The following DNAJC25 variants were observed in gnomAD, a reference collection of about 807,000 sequenced individuals.
The protein encoded by DNAJC25 is DnaJ heat shock protein family (Hsp40) member C25.
A neutral mutation model predicts 42.1 loss-of-function variants in DNAJC25; 26 were observed. That is an observed-to-expected ratio of 0.62 (90% CI 0.45 to 0.86). The LOEUF is 0.86. Ranked by LOEUF, DNAJC25 falls within the 40% of genes least tolerant of loss-of-function variation. DNAJC25 has a pLI of 0.00. For missense variants in DNAJC25, 404 were observed against 459.4 expected (o/e 0.88, Z 1.10); for synonymous variants, 189 against 179.9 (o/e 1.05, Z -0.40).
rs2131272477 is a variant in DNAJC25, at chr9:111,653,364, AT to A, written c.*145del. 1 of 993,102 alleles carries A rather than the reference AT, an allele frequency of 1.0e-6. No individual in the cohort carries two copies. Among genetic ancestry groups the A allele is most frequent in the East Asian group, 3.2e-5 (1 of 31,096 alleles). 61.5% of individuals were successfully genotyped at this position (993,102 alleles called of 1,614,324 possible). A position where few individuals can be genotyped will look rare whatever the true frequency, so the allele number is the denominator to read the frequency against. ...TTTGATTAAACAGAATAATGTCAAAATTTAAACCTTCCCTTAAAACTTTATA... is the reference window on the plus strand; with the variant it reads ...TTTGATTAAACAGAATAATGTCAAAATTAAACCTTCCCTTAAAACTTTATA... On this transcript the variant is annotated 3_prime_UTR_variant, in exon 4 of 4. Coordinates refer to ENST00000313525, the MANE Select transcript of DNAJC25 (RefSeq NM_001015882.3).
At position 111,654,164 on chromosome 9, in the gene DNAJC25, T is replaced by C. The variant is rs1224448056; in HGVS notation, c.*942T>C. On this transcript the variant is annotated 3_prime_UTR_variant, in exon 4 of 4. Coordinates refer to ENST00000313525, the MANE Select transcript of DNAJC25 (RefSeq NM_001015882.3). ...AGAAACGAGGTACATGGCTGTGTGC[T>C]CTTCTGTCAACCAATGAAATGTGTT... 2 of 152,260 alleles carry C rather than the reference T, an allele frequency of 1.3e-5. No homozygotes were observed. The highest frequency in any genetic ancestry group is 2.9e-5 in the Non-Finnish European group (2 of 68,038). 9.4% of individuals were successfully genotyped at this position (152,260 alleles called of 1,614,324 possible).
Position 111,649,816 on chromosome 9 carries a change from A to G in DNAJC25, c.853A>G (p.Ile285Val). 6.2e-7 allele frequency: 1 copy of G among 1,613,754 alleles called. No individual in the cohort carries two copies. Among genetic ancestry groups the G allele is most frequent in the Non-Finnish European group, 8.5e-7 (1 of 1,179,880 alleles). Reference sequence around the variant, plus strand: ...ATATGGAGAGGAAGAGAGATTATACATTATACGTAAATCTATGAAGATGTC... The same window carrying G: ...ATATGGAGAGGAAGAGAGATTATACGTTATACGTAAATCTATGAAGATGTC... ...KEYGEEERLY[I>V]IRKSMKMSKS... is the part of the protein sequence containing the mutation. The change falls in exon 3 of 4, where the codon ATT becomes GTT. Residue 285 changes from isoleucine (I) to valine (V), a missense_variant. Physicochemically the swap from Ile to Val is conservative, Grantham distance 29. Transcript: ENST00000313525.
At chr9:111,644,490 G>A (rs1364158179) in intron 1 of DNAJC25, among the ~76,000 whole-genome samples, 1 of 152,156 alleles carries the variant, frequency 6.6e-6, no homozygotes, top group African/African-American at 2.4e-5. Context: ...AGAGATAAGA[G>A]AACAAAAAGA....
chr9:111,632,300 T>A (rs552751625), intron 1 of DNAJC25, among the ~76,000 whole-genome samples: 16 of 152,340 alleles, frequency 1.1e-4, no homozygotes, highest in Non-Finnish European at 2.1e-4. Context: ...TGACTTATTA[T>A]GTTGAAATAG....
intron 1 of DNAJC25, among the ~76,000 whole-genome samples, chr9:111,645,421 A>G (rs1365041054): frequency 6.6e-6 from 1 of 152,066 alleles, no homozygotes; most frequent in Non-Finnish European, 1.5e-5. Context: ...CGACTGGCTA[A>G]TTTTTGTATT....
intron 1 of DNAJC25, among the ~76,000 whole-genome samples, chr9:111,640,360 G>A (rs1429908793): frequency 6.8e-6 from 1 of 146,712 alleles, no homozygotes; most frequent in Non-Finnish European, 1.5e-5. Context: ...CGTCTGGGAA[G>A]TGAGGAGCGT....
At chr9:111,651,095 T>C (rs1419629307) in intron 3 of DNAJC25, among the ~76,000 whole-genome samples, 1 of 151,682 alleles carries the variant, frequency 6.6e-6, no homozygotes, top group Non-Finnish European at 1.5e-5. Flanking sequence ...AGTGAAACCC[T>C]GTCTCAAAAT....
chr9:111,649,045 C>G (rs1331500808), intron 2 of DNAJC25, among the ~76,000 whole-genome samples: 2 of 152,024 alleles, frequency 1.3e-5, no homozygotes, highest in Non-Finnish European at 2.9e-5. Context: ...AAACAAATTC[C>G]TCACCAGCTA....
In DNAJC25 at chr9:111,647,094, T is replaced by A. The variant is rs1266284014; in HGVS notation, c.337-13T>A. ...GACTGTCCTATGAAGTTGGATATCT[T>A]GTCATTTTACAGGATGAAGAAACAC... On this transcript the variant is annotated splice_polypyrimidine_tract_variant and intron_variant, in intron 1 of 3. Transcript: ENST00000313525. The A allele has an allele frequency of 1.2e-6, 2 of 1,612,236 alleles. No individual in the cohort carries two copies.
Position 111,649,825 on chromosome 9 carries a change from A to C in DNAJC25, c.862A>C (p.Lys288Gln), listed in dbSNP as rs1419726017. ...GEEERLYIIRKSMKMSKSQFD... is the reference protein window; with the variant it reads ...GEEERLYIIRQSMKMSKSQFD... ...GGAAGAGAGATTATACATTATACGT[A>C]AATCTATGAAGATGTCAAAGTCTCA... Residue 288 changes from lysine to glutamine, a missense_variant, in exon 3 of 4, where the codon AAA becomes CAA. Physicochemically the swap from Lys to Gln is moderately conservative, Grantham distance 53 (BLOSUM62 1). Coordinates refer to ENST00000313525, the MANE Select transcript of DNAJC25 (RefSeq NM_001015882.3). 1 of 1,613,426 alleles carries C rather than the reference A, an allele frequency of 6.2e-7. No homozygotes were observed. Among genetic ancestry groups the C allele is most frequent in the East Asian group, 2.2e-5 (1 of 44,856 alleles).
At position 111,631,421 on chromosome 9, in the gene DNAJC25, T is replaced by C. The variant is rs886470284; in HGVS notation, c.14T>C (p.Leu5Pro). ...GCGAGGCTGGGGATGGGGGCGCCGC[T>C]GCTCTCTCCCGGCTGGGGAGCCGGG... MGAPLLSPGWGAGAA... is the reference protein window; with the variant it reads MGAPPLSPGWGAGAA... Residue 5 changes from leucine (L) to proline (P), a missense_variant, in exon 1 of 4, where the codon CTG (leucine) becomes CCG (proline). Leu to Pro is a moderately conservative substitution (Grantham distance 98). Coordinates refer to ENST00000313525, the MANE Select transcript of DNAJC25 (RefSeq NM_001015882.3). The C allele has an allele frequency of 1.4e-5, 18 of 1,289,862 alleles. No homozygotes were observed. The highest frequency in any genetic ancestry group is 1.8e-5 in the Non-Finnish European group (18 of 1,023,532). 79.9% of individuals were successfully genotyped at this position (1,289,862 alleles called of 1,614,324 possible). A position where few individuals can be genotyped will look rare whatever the true frequency, so the allele number is the denominator to read the frequency against.
chr9:111,639,836 T>C (rs1830419060), intron 1 of DNAJC25, among the ~76,000 whole-genome samples: 1 of 151,658 alleles, frequency 6.6e-6, no homozygotes, highest in Non-Finnish European at 1.5e-5. Context: ...CTCTATGTAA[T>C]AGAAAGTTTT....
intron 1 of DNAJC25, among the ~76,000 whole-genome samples, chr9:111,637,163 C>T (rs1589341035): frequency 6.6e-6 from 1 of 152,152 alleles, no homozygotes. Context: ...AAGACCCTTA[C>T]TGTTTTTCAT....
Position 111,649,548 on chromosome 9 carries a change from G to C in DNAJC25, c.585G>C (p.Gln195His). ...AAGCTACAGAGATTGCCAAGCAGCA[G>C]GGACTGCTCAAAAAAGCCAAAGAAA... ...RIQATEIAKQ[Q>H]GLLKKAKEKG... is the part of the protein sequence containing the mutation. The change falls in exon 3 of 4, where the codon CAG (glutamine) becomes CAC (histidine). Residue 195 changes from glutamine (Q) to histidine (H), a missense_variant. Physicochemically the swap from Gln to His is conservative, Grantham distance 24 (BLOSUM62 0). Transcript: ENST00000313525. 1 of 1,614,026 alleles carries C rather than the reference G, an allele frequency of 6.2e-7. No homozygotes were observed. The highest frequency in any genetic ancestry group is 8.5e-7 in the Non-Finnish European group (1 of 1,180,000).
Position 111,653,335 on chromosome 9 carries a change from A to G in DNAJC25, c.*113A>G. On this transcript the variant is annotated 3_prime_UTR_variant, in exon 4 of 4. Transcript: ENST00000313525. ...GCTCAGCAGTAACTAAAATTCCTCA[A>G]GTATTTGATTAAACAGAATAATGTC... The G allele has an allele frequency of 2.4e-6, 3 of 1,235,784 alleles. No homozygotes were observed. Among genetic ancestry groups the G allele is most frequent in the Non-Finnish European group, 2.1e-6 (2 of 951,726 alleles). 76.6% of individuals were successfully genotyped at this position (1,235,784 alleles called of 1,614,324 possible). A position where few individuals can be genotyped will look rare whatever the true frequency, so the allele number is the denominator to read the frequency against.
At chr9:111,641,116 G>A (rs1176314545) in intron 1 of DNAJC25, among the ~76,000 whole-genome samples, 7 of 106,866 alleles carry the variant, frequency 6.6e-5, no homozygotes, top group African/African-American at 3.2e-4. Context: ...CACCCCGTCC[G>A]GGAGGGAGAT....
chr9:111,647,873 G>A (rs1473548066), intron 2 of DNAJC25, among the ~76,000 whole-genome samples: 2 of 152,188 alleles, frequency 1.3e-5, no homozygotes, highest in Non-Finnish European at 2.9e-5. Flanking sequence ...CCGCCTCCTG[G>A]GTTCAAGCGA....
Position 111,631,490 on chromosome 9 carries a change from C to T in DNAJC25, c.83C>T (p.Pro28Leu), listed in dbSNP as rs1225667347. 1 of 1,324,176 alleles carries T rather than the reference C, an allele frequency of 7.6e-7. No individual in the cohort carries two copies. The highest frequency in any genetic ancestry group is 9.6e-7 in the Non-Finnish European group (1 of 1,043,704). 82.0% of individuals were successfully genotyped at this position (1,324,176 alleles called of 1,614,324 possible). The change falls in exon 1 of 4, where the codon CCG (proline) becomes CTG (leucine). Residue 28 changes from proline (P) to leucine (L), a missense_variant. Transcript: ENST00000313525. ...RWWMLLAPLL[P>L]ALLLVRPAGA... ...TGGATGCTGCTGGCGCCCCTGCTGCCGGCGCTGCTGCTGGTGCGGCCCGCG... is the reference window on the plus strand; with the variant it reads ...TGGATGCTGCTGGCGCCCCTGCTGCTGGCGCTGCTGCTGGTGCGGCCCGCG...
chr9:111,646,316 TA>T (rs1330952739), intron 1 of DNAJC25, among the ~76,000 whole-genome samples: 1 of 152,206 alleles, frequency 6.6e-6, no homozygotes, highest in East Asian at 1.9e-4. Flanking sequence ...TCAGAGAATA[TA>T]TTTTTTTAAA....
Sources: gnomAD v4.1 joint callset for allele counts (sites outside exome capture counted in the v4.1 genomes callset) on GRCh38, gnomAD v4.1.1 for gene constraint, MANE v1.5 for transcripts, NCBI Gene and HGNC (gene_info 2026-07-23, HGNC 2026-07-21) for gene names.